The following ASCC1 variants were observed in gnomAD, a reference collection of about 807,000 sequenced individuals.
ASCC1 encodes activating signal cointegrator 1 complex subunit 1, also known as ASC-1 complex subunit P50.
ASCC1 carries 35 observed loss-of-function variants against 46.6 expected under a neutral mutation model. The observed-to-expected ratio is 0.75, with a 90% CI of 0.57 to 0.99. The LOEUF (loss-of-function observed/expected upper bound fraction) is 0.99, where lower values mean the gene tolerates loss of function less well. Among genes scored for constraint, ASCC1 ranks in the 50% least tolerant of loss-of-function variants. The pLI is 0.00. For missense variants in ASCC1, 376 were observed against 428.7 expected (o/e 0.88, Z 1.09); for synonymous variants, 143 against 146.6 (o/e 0.98, Z 0.18).
intron 3 of ASCC1, among the ~76,000 whole-genome samples, chr10:72,209,362 G>C (rs969647805): frequency 2.0e-5 from 3 of 151,510 alleles, no homozygotes; most frequent in Admixed American, 2.0e-4. Context: ...GTGTGTGCCG[G>C]TTCCAGCTAC....
At chr10:72,132,467 T>C (rs1845722226) in intron 8 of ASCC1, among the ~76,000 whole-genome samples, 1 of 152,196 alleles carries the variant, frequency 6.6e-6, no homozygotes, top group Non-Finnish European at 1.5e-5. Context: ...AAACTATTAT[T>C]TTAACACAAG....
chr10:72,194,306 GAATA>G (rs1258023977), intron 5 of ASCC1, among the ~76,000 whole-genome samples: 1 of 143,200 alleles, frequency 7.0e-6, no homozygotes, highest in Admixed American at 7.1e-5. Flanking sequence ...ACAAATAATT[GAATA>G]AATAAACAGT....
intron 7 of ASCC1, among the ~76,000 whole-genome samples, chr10:72,141,477 C>G (rs957367963): frequency 1.3e-5 from 2 of 152,102 alleles, no homozygotes; most frequent in African/African-American, 2.4e-5. Flanking sequence ...TATTTGTCCC[C>G]ATATTTCTGA....
chr10:72,128,159 T>A lies in ASCC1; in HGVS notation c.880A>T (p.Arg294Trp). 1 of 1,612,618 alleles carries A rather than the reference T, an allele frequency of 6.2e-7. No homozygotes were observed. The highest frequency in any genetic ancestry group is 8.5e-7 in the Non-Finnish European group (1 of 1,178,704). Residue 294 changes from arginine (R) to tryptophan (W), a missense_variant, in exon 9 of 10, where the codon AGG becomes TGG. Transcript: ENST00000672957. ...LFRKDPNAEG[R>W]YNLYTAEGKY... ...CCTTCCGCTGTGTAGAGATTGTACC[T>A]GCCTTCAGCTGTAAATATTCCAAAG...
Position 72,096,350 on chromosome 10 carries a change from A to C in ASCC1, c.*984T>G, listed in dbSNP as rs1320697993. On this transcript the variant is annotated 3_prime_UTR_variant, in exon 10 of 10. Transcript: ENST00000672957. Reference sequence around the variant, plus strand: ...CAGGGAACTCTGCACAGTCCTGCTGATATCATCAGTTTCTTTTGCTGCTGC... The same window carrying C: ...CAGGGAACTCTGCACAGTCCTGCTGCTATCATCAGTTTCTTTTGCTGCTGC... 4 of 454,052 alleles carry C rather than the reference A, an allele frequency of 8.8e-6. No individual in the cohort carries two copies. In the Admixed American group the frequency reaches 9.4e-5, roughly 11 times the overall value. The allele number at this position is 454,052 out of a possible 1,614,324, so 28.1% of individuals were successfully genotyped here. A position where few individuals can be genotyped will look rare whatever the true frequency, so the allele number is the denominator to read the frequency against.
At chr10:72,178,678 C>G (rs1361104570) in intron 5 of ASCC1, among the ~76,000 whole-genome samples, 1 of 152,110 alleles carries the variant, frequency 6.6e-6, no homozygotes, top group African/African-American at 2.4e-5. Context: ...CTGGGTCTTC[C>G]GACCTGCAGT....
At chr10:72,174,161 G>A (rs929346275) in intron 5 of ASCC1, among the ~76,000 whole-genome samples, 1 of 152,176 alleles carries the variant, frequency 6.6e-6, no homozygotes, top group Admixed American at 6.5e-5. Flanking sequence ...TCAAGGTCAT[G>A]TCCTGACTCA....
intron 9 of ASCC1, among the ~76,000 whole-genome samples, chr10:72,120,691 A>G (rs1375802657): frequency 1.3e-5 from 2 of 152,128 alleles, no homozygotes; most frequent in East Asian, 3.8e-4. Flanking sequence ...GGAAAAAACA[A>G]ATACTTTTCC....
At chr10:72,125,523 T>C (rs1295418585) in intron 9 of ASCC1, among the ~76,000 whole-genome samples, 1 of 152,250 alleles carries the variant, frequency 6.6e-6, no homozygotes, top group East Asian at 1.9e-4. Context: ...TGGATTCTCA[T>C]GTTTTAATTG....
In ASCC1 at chr10:72,202,369, G is replaced by A. The variant is rs531496888; in HGVS notation, c.310+1058C>T. 2.0e-5 allele frequency among the ~76,000 whole-genome samples: 3 copies of A among 152,054 alleles called. No individual in the cohort carries two copies. In the East Asian group the frequency reaches 5.8e-4, roughly 29 times the overall value. On this transcript the variant is annotated intron_variant, in intron 4 of 9. Coordinates refer to ENST00000672957, the MANE Select transcript of ASCC1 (RefSeq NM_001198800.3). ...TGTAGTCCCAGCTACTCGGGAGGCT[G>A]AGGCAGGAGAATCGCTTGAACCTGG...
intron 5 of ASCC1, among the ~76,000 whole-genome samples, chr10:72,173,244 GCT>G (rs1268164108): frequency 6.6e-6 from 1 of 151,902 alleles, no homozygotes; most frequent in Non-Finnish European, 1.5e-5. Context: ...ATATTCCATT[GCT>G]CTTTCTTCCT....
At chr10:72,139,054 T>C (rs1055161652) in intron 7 of ASCC1, among the ~76,000 whole-genome samples, 2 of 152,032 alleles carry the variant, frequency 1.3e-5, no homozygotes, top group Non-Finnish European at 2.9e-5. Flanking sequence ...TTAAGGGTAC[T>C]TGGACATAAT....
At chr10:72,212,990 T>C (rs1858391702) in intron 2 of ASCC1, among the ~76,000 whole-genome samples, 197 bp downstream of exon 2, 1 of 152,264 alleles carries the variant, frequency 6.6e-6, no homozygotes, top group Non-Finnish European at 1.5e-5. Context: ...ACATAACTTA[T>C]AAATTGCAAC....
chr10:72,120,457 T>G (rs1589232027), intron 9 of ASCC1, among the ~76,000 whole-genome samples: 1 of 151,328 alleles, frequency 6.6e-6, no homozygotes, highest in East Asian at 1.9e-4. Context: ...GTGCACACAA[T>G]GCAAATACCA....
At chr10:72,195,139 GTTTTTTTTTTTTTTTT>G (rs142672810) in intron 5 of ASCC1, among the ~76,000 whole-genome samples, 1 of 61,020 alleles carries the variant, frequency 1.6e-5, no homozygotes, top group Non-Finnish European at 2.9e-5. Context: ...TTTTTGCTGT[GTTTTTTTTTTTTTTTT>G]TTTTTTTTTG....
intron 3 of ASCC1, among the ~76,000 whole-genome samples, chr10:72,203,992 T>C (rs1348780184): frequency 6.6e-6 from 1 of 152,138 alleles, no homozygotes; most frequent in Non-Finnish European, 1.5e-5. Flanking sequence ...CTCACGCCTG[T>C]AATCCCAGCA....
intron 9 of ASCC1, chr10:72,102,193 G>A: frequency 2.9e-6 from 2 of 695,464 alleles, no homozygotes; most frequent in East Asian, 2.9e-5. Context: ...ATGAGAAGGA[G>A]ATGGAAAAAT....
intron 1 of ASCC1, among the ~76,000 whole-genome samples, chr10:72,213,570 C>T (rs539692767): frequency 6.6e-6 from 1 of 150,612 alleles, no homozygotes; most frequent in East Asian, 1.9e-4. Flanking sequence ...TATCACCCCC[C>T]CCCCAAAAAT....
intron 4 of ASCC1, among the ~76,000 whole-genome samples, chr10:72,197,941 G>A (rs1222382722): frequency 8.8e-6 from 1 of 113,282 alleles, no homozygotes; most frequent in Non-Finnish European, 1.6e-5. Flanking sequence ...AAATAAAGTT[G>A]AACATAGACT....
Sources: gnomAD v4.1 joint callset for allele counts (sites outside exome capture counted in the v4.1 genomes callset) on GRCh38, gnomAD v4.1.1 for gene constraint, MANE v1.5 for transcripts, NCBI Gene and HGNC (gene_info 2026-07-23, HGNC 2026-07-21) for gene names.